The following KAZN variants were observed in gnomAD, a reference collection of about 807,000 sequenced individuals.
The protein encoded by KAZN is kazrin, periplakin interacting protein.
KAZN carries 40 observed loss-of-function variants against 87.4 expected under a neutral mutation model. The observed-to-expected ratio is 0.46, with a 90% confidence interval of 0.36 to 0.60. KAZN has a LOEUF of 0.60. KAZN is among the 20% of genes least tolerant of loss of function. The pLI, the probability that KAZN is intolerant of heterozygous loss-of-function variation, is 0.00. For synonymous variants in KAZN, 466 were observed against 458.3 expected, an observed-to-expected ratio of 1.02 and a Z score of -0.22; for missense variants, 898 against 1,073.9, an observed-to-expected ratio of 0.84 and a Z score of 2.29.
In KAZN at chr1:15,112,844, C is replaced by A. The variant is rs1641699474; in HGVS notation, c.2163+303C>A. The stretch of plus-strand genomic sequence containing the variant: ...TGAACTTGCAGATTCTGGGACCCAC[C>A]TTGGTCTCCTGGAAAAGGAGTTCTC... On this transcript the variant is annotated intron_variant, in intron 14 of 14. Transcript: ENST00000376030. 4 of 261,468 alleles carry A rather than the reference C, an allele frequency of 1.5e-5. No homozygotes were observed. The South Asian group carries it at 2.7e-4, about 18-fold the overall frequency. 16.2% of individuals were successfully genotyped at this position (261,468 alleles called of 1,614,324 possible). A position where few individuals can be genotyped will look rare whatever the true frequency, so the allele number is the denominator to read the frequency against.
chr1:14,731,631 T>A (rs1643683099), intron 1 of KAZN, among the ~76,000 whole-genome samples: 1 of 152,220 alleles, frequency 6.6e-6, no homozygotes, highest in African/African-American at 2.4e-5. Context: ...ATGGTAGATG[T>A]GGCTCAGAGA....
At chr1:14,597,273 A>C (rs1280522135), upstream of KAZN, among the ~76,000 whole-genome samples, 1 of 152,194 alleles carries the variant, frequency 6.6e-6, no homozygotes, top group African/African-American at 2.4e-5. Context: ...TTCCTGCCAC[A>C]TGCTCCACCA....
chr1:14,599,003 G>T lies in KAZN; in HGVS notation c.6G>T (p.Met2Ile). Residue 2 changes from methionine to isoleucine, a missense_variant, in exon 1 of 15, where the codon ATG becomes ATT. Coordinates refer to ENST00000376030, the MANE Select transcript of KAZN (RefSeq NM_201628.3). The surrounding 1 kb of genome is among the most constrained non-coding windows in gnomAD (Gnocchi z 4.4). ...CCCAGGCCAAAATCCTGAGCATGAT[G>T]GAAGACAATAAGCAGCTCGCGCTCC... Reference protein sequence around the residue: MMEDNKQLALRI... With the variant: MIEDNKQLALRI... 1 of 1,571,438 alleles carries T rather than the reference G, an allele frequency of 6.4e-7. No homozygotes were observed.
At chr1:14,801,052 A>AG (rs1645996321) in intron 1 of KAZN, among the ~76,000 whole-genome samples, 1 of 151,200 alleles carries the variant, frequency 6.6e-6, no homozygotes, top group South Asian at 2.1e-4. Flanking sequence ...TTATCTCAAA[A>AG]AAAAAAAAAA....
chr1:14,254,170 C>G (rs1285276347), intron 2 of KAZN, among the ~76,000 whole-genome samples: 1 of 152,180 alleles, frequency 6.6e-6, no homozygotes, highest in Non-Finnish European at 1.5e-5. Context: ...CCCATTATGG[C>G]ATGTGACCAT....
intron 2 of KAZN, among the ~76,000 whole-genome samples, chr1:14,394,120 C>T (rs1432503336): frequency 6.6e-6 from 1 of 152,208 alleles, no homozygotes; most frequent in East Asian, 1.9e-4. Flanking sequence ...GGTGAGGACC[C>T]CCCCACACAC....
chr1:14,359,442 G>A (rs898733365), intron 2 of KAZN, among the ~76,000 whole-genome samples: 3 of 152,084 alleles, frequency 2.0e-5, no homozygotes, highest in Non-Finnish European at 4.4e-5. Context: ...TACATTTAAG[G>A]TTAATATTGT....
At chr1:14,665,574 G>T (rs978395261) in intron 1 of KAZN, among the ~76,000 whole-genome samples, 1 of 152,124 alleles carries the variant, frequency 6.6e-6, no homozygotes, top group Non-Finnish European at 1.5e-5. Flanking sequence ...GAATAGTGGC[G>T]TGGTTGAGGG....
intron 1 of KAZN, among the ~76,000 whole-genome samples, chr1:14,826,813 T>A (rs1459508697): frequency 6.6e-6 from 1 of 152,180 alleles, no homozygotes; most frequent in Non-Finnish European, 1.5e-5. Context: ...TTAAAAGAAT[T>A]CAGGCCGCCT....
intron 2 of KAZN, among the ~76,000 whole-genome samples, chr1:14,982,997 C>T (rs576712600): frequency 3.9e-5 from 6 of 152,202 alleles, no homozygotes; most frequent in East Asian, 3.9e-4. Flanking sequence ...AGGGAGCTGC[C>T]GGCCCCGCAG....
At chr1:14,174,049 C>A (rs1431353663) in intron 1 of KAZN, among the ~76,000 whole-genome samples, 2 of 152,214 alleles carry the variant, frequency 1.3e-5, no homozygotes, top group Non-Finnish European at 2.9e-5. Flanking sequence ...TCTTCGATAT[C>A]ATTACTTCCA....
intron 1 of KAZN, among the ~76,000 whole-genome samples, chr1:14,027,370 A>G (rs567469172): frequency 1.3e-4 from 20 of 152,316 alleles, no homozygotes; most frequent in Admixed American, 8.5e-4. Context: ...TGCTAATGCC[A>G]TAGCTCCCTA....
At chr1:14,251,389 C>T (rs1423568000) in intron 2 of KAZN, among the ~76,000 whole-genome samples, 1 of 152,156 alleles carries the variant, frequency 6.6e-6, no homozygotes, top group African/African-American at 2.4e-5. Flanking sequence ...AATGTCTCTC[C>T]CTTTCTTGTT....
chr1:14,873,933 C>T (rs759102887), intron 1 of KAZN, among the ~76,000 whole-genome samples: 6 of 152,032 alleles, frequency 3.9e-5, no homozygotes, highest in Non-Finnish European at 8.8e-5. Flanking sequence ...CAGAGATGCA[C>T]CCTTGAGTAA....
chr1:14,480,032 G>A (rs1179888304), intron 2 of KAZN, among the ~76,000 whole-genome samples: 1 of 152,220 alleles, frequency 6.6e-6, no homozygotes, highest in Admixed American at 6.5e-5. Context: ...CAGATAAGGG[G>A]ATGAGATAAA....
chr1:14,811,287 T>C (rs1646402100), intron 1 of KAZN, among the ~76,000 whole-genome samples: 1 of 152,238 alleles, frequency 6.6e-6, no homozygotes, highest in East Asian at 1.9e-4. Flanking sequence ...TCCCAAATGT[T>C]AGTCAACTCC....
chr1:14,784,763 A>T (rs186065132), intron 1 of KAZN, among the ~76,000 whole-genome samples: 1,653 of 152,256 alleles, frequency 0.011, 39 homozygotes, highest in African/African-American at 0.038. Flanking sequence ...TGTCTCAAAA[A>T]AAAGTCATTC....
At chr1:14,089,265 G>A (rs2101613817) in intron 1 of KAZN, among the ~76,000 whole-genome samples, 1 of 152,040 alleles carries the variant, frequency 6.6e-6, no homozygotes, top group East Asian at 1.9e-4. Context: ...TTTTAGTTGA[G>A]GGTGTTTAGA....
chr1:14,115,088 A>G (rs142092243), intron 1 of KAZN, among the ~76,000 whole-genome samples: 32 of 152,360 alleles, frequency 2.1e-4, no homozygotes, highest in African/African-American at 7.2e-4. Flanking sequence ...AAGAGCAGAC[A>G]TTGATCTTCC....
Sources: gnomAD v4.1 joint callset for allele counts (sites outside exome capture counted in the v4.1 genomes callset) on GRCh38, gnomAD v4.1.1 for gene constraint, Gnocchi (gnomAD v3.1) non-coding constraint, MANE v1.5 for transcripts, NCBI Gene and HGNC (gene_info 2026-07-23, HGNC 2026-07-21) for gene names.